Variants in MTSS1 observed in about 807,000 individuals in gnomAD.
MTSS1 encodes the protein MTSS I-BAR domain containing 1, also known as protein MTSS 1.
A neutral mutation model predicts 79.0 loss-of-function variants in MTSS1; 18 were observed. The observed-to-expected ratio is 0.23, with a 90% CI of 0.16 to 0.34. The LOEUF (loss-of-function observed/expected upper bound fraction) is 0.34. MTSS1 is among the 10% of genes least tolerant of loss of function. The pLI, the probability that MTSS1 is intolerant of heterozygous loss-of-function variation, is 1.00. For synonymous variants in MTSS1, 341 were observed against 368.6 expected, an observed-to-expected ratio of 0.93 and a Z score of 0.86; for missense variants, 815 against 986.2, an observed-to-expected ratio of 0.83 and a Z score of 2.33.
chr8:124,652,624 G>T (rs1049073802), intron 3 of MTSS1, among the ~76,000 whole-genome samples: 1 of 151,260 alleles, frequency 6.6e-6, no homozygotes, highest in African/African-American at 2.4e-5. Flanking sequence ...GTGAAACCCC[G>T]TCTCTACTAA....
chr8:124,642,842 C>T (rs959398552), intron 3 of MTSS1, among the ~76,000 whole-genome samples: 1 of 152,206 alleles, frequency 6.6e-6, no homozygotes, highest in African/African-American at 2.4e-5. Flanking sequence ...ACGTGCCTGC[C>T]TCAGCCTCCC....
At position 124,580,514 on chromosome 8, in the gene MTSS1, G is replaced by A. The variant is rs188713197; in HGVS notation, c.460+4573C>T. 3.2e-3 allele frequency: 4,963 copies of A among 1,535,588 alleles called. 14 individuals are homozygous for A. Among genetic ancestry groups the A allele is most frequent in the Non-Finnish European group, 3.7e-3 (4,285 of 1,146,516 alleles). On this transcript the variant is annotated intron_variant, in intron 6 of 13. Coordinates refer to ENST00000518547, the MANE Select transcript of MTSS1 (RefSeq NM_014751.6). ...GAAAGCCCACAGCAAGGACCACACC[G>A]TGAGCAGCCACCAGAGATTTGGGAT...
intron 1 of MTSS1, among the ~76,000 whole-genome samples, chr8:124,720,271 G>A (rs1832717914): frequency 6.6e-6 from 1 of 152,162 alleles, no homozygotes. Context: ...CACTTAGCTG[G>A]GGCCAAATCA....
chr8:124,666,553 G>A (rs1257841953), intron 3 of MTSS1, among the ~76,000 whole-genome samples: 1 of 152,066 alleles, frequency 6.6e-6, no homozygotes, highest in Admixed American at 6.5e-5. Context: ...GGCTAAGTTC[G>A]CCACCGGGAT....
intron 6 of MTSS1, among the ~76,000 whole-genome samples, chr8:124,583,436 G>A (rs1029409701): frequency 3.9e-5 from 6 of 152,182 alleles, no homozygotes; most frequent in African/African-American, 9.7e-5. Context: ...TTCTTTTGAT[G>A]TTGCATTGCA....
At chr8:124,587,919 G>A (rs17372901) in intron 5 of MTSS1, among the ~76,000 whole-genome samples, 13,184 of 152,244 alleles carry the variant, frequency 0.087, 800 homozygotes, top group Non-Finnish European at 0.13. Flanking sequence ...ATGGTTTGTT[G>A]AAGTTCTACA....
chr8:124,712,163 C>T (rs1346267326), intron 1 of MTSS1, among the ~76,000 whole-genome samples: 2 of 152,126 alleles, frequency 1.3e-5, no homozygotes, highest in African/African-American at 2.4e-5. Context: ...AACACACAAA[C>T]TGGTCTTCTT....
At chr8:124,704,692 C>T (rs1830157207) in intron 1 of MTSS1, among the ~76,000 whole-genome samples, 2 of 152,186 alleles carry the variant, frequency 1.3e-5, no homozygotes, top group Non-Finnish European at 2.9e-5. Flanking sequence ...ATGGCTTAAG[C>T]CCAACACCTA....
chr8:124,671,436 G>C (rs1824196306), intron 3 of MTSS1, among the ~76,000 whole-genome samples: 1 of 152,146 alleles, frequency 6.6e-6, no homozygotes, highest in Non-Finnish European at 1.5e-5. Flanking sequence ...CAAGGGCCAG[G>C]AAAGTCACGA....
chr8:124,565,721 C>T lies in MTSS1; in HGVS notation c.765G>A (p.Ser255=), dbSNP rs373472453. The change falls in exon 9 of 14, where the codon TCG becomes TCA. Residue 255 remains serine, a synonymous_variant. Coordinates refer to ENST00000518547, the MANE Select transcript of MTSS1 (RefSeq NM_014751.6). ...LDLKGSDYSW[S]YQTPPSSPST... ...TGGGGGAAGAGGGTGGCGTCTGATA[C>T]GACCAGCTGTAATCAGAACCTTTCA... is the stretch of plus-strand genomic sequence containing the variant. 2.4e-5 allele frequency: 38 copies of T among 1,613,866 alleles called. No individual in the cohort carries two copies. Among genetic ancestry groups the T allele is most frequent in the Middle Eastern group, 1.6e-4 (1 of 6,066 alleles).
chr8:124,589,737 G>C, intron 4 of MTSS1, 26 bp from the exon 5 acceptor site: 10 of 1,482,072 alleles, frequency 6.7e-6, no homozygotes, highest in Non-Finnish European at 9.4e-6. Flanking sequence ...GGGGAAAAAG[G>C]GAGAAATTAA....
intron 6 of MTSS1, among the ~76,000 whole-genome samples, chr8:124,581,098 T>G (rs1217860759): frequency 3.3e-5 from 5 of 152,112 alleles, no homozygotes. Context: ...AGTGAGAGAG[T>G]CAACTATTTA....
intron 3 of MTSS1, among the ~76,000 whole-genome samples, chr8:124,685,533 C>T (rs193053215): frequency 8.5e-5 from 13 of 152,198 alleles, no homozygotes; most frequent in African/African-American, 2.9e-4. Context: ...GAGGAGAGAC[C>T]GCCTGAGATA....
intron 3 of MTSS1, among the ~76,000 whole-genome samples, chr8:124,601,067 T>TTTTTTTTTA (rs1554664877): frequency 7.3e-6 from 1 of 136,898 alleles, no homozygotes; most frequent in African/African-American, 3.2e-5. Flanking sequence ...CTGTAATTTT[T>TTTTTTTTTA]TTTTTTTTTT....
chr8:124,599,300 A>G (rs963783447), intron 3 of MTSS1, among the ~76,000 whole-genome samples: 2 of 152,172 alleles, frequency 1.3e-5, no homozygotes, highest in Non-Finnish European at 2.9e-5. Context: ...CCTGGCCAAC[A>G]TGGTGAAACC....
intron 3 of MTSS1, among the ~76,000 whole-genome samples, chr8:124,638,556 G>A (rs942449331): frequency 6.6e-6 from 1 of 152,196 alleles, no homozygotes; most frequent in Non-Finnish European, 1.5e-5. Flanking sequence ...ACAGTGTCAG[G>A]AAACCGGAGG....
chr8:124,663,208 G>A (rs548846079), intron 3 of MTSS1, among the ~76,000 whole-genome samples: 1 of 152,210 alleles, frequency 6.6e-6, no homozygotes, highest in South Asian at 2.1e-4. Flanking sequence ...CTCCCTTTCG[G>A]GCTGTAAGTT....
intron 3 of MTSS1, among the ~76,000 whole-genome samples, chr8:124,651,158 T>C (rs1819886493): frequency 6.6e-6 from 1 of 152,228 alleles, no homozygotes; most frequent in African/African-American, 2.4e-5. Flanking sequence ...TCTTTAAACA[T>C]GCATTACAGC....
At chr8:124,709,007 TG>T (rs1465457669) in intron 1 of MTSS1, among the ~76,000 whole-genome samples, 8 of 151,962 alleles carry the variant, frequency 5.3e-5, no homozygotes, top group African/African-American at 1.9e-4. Flanking sequence ...CAGATATTTT[TG>T]TAAGTTTCTT....
Sources: gnomAD v4.1 joint callset for allele counts (sites outside exome capture counted in the v4.1 genomes callset) on GRCh38, gnomAD v4.1.1 for gene constraint, MANE v1.5 for transcripts, NCBI Gene and HGNC (gene_info 2026-07-23, HGNC 2026-07-21) for gene names.